MAGI3: variants seen among roughly 807,000 people sequenced by gnomAD.
MAGI3 encodes the protein membrane-associated guanylate kinase, WW and PDZ domain-containing protein 3.
Under a neutral mutation model 121.8 loss-of-function variants are expected in MAGI3, and 43 were observed. That is an observed-to-expected ratio of 0.35 (90% CI 0.28 to 0.46). The LOEUF (loss-of-function observed/expected upper bound fraction) is 0.46. MAGI3 is among the 20% of genes least tolerant of loss of function. The probability of loss-of-function intolerance (pLI) is 1.00; values close to 1 mark genes in which losing one functional copy is unlikely to be tolerated. For synonymous variants in MAGI3, 553 were observed against 639.3 expected (o/e 0.86, Z 2.04); for missense variants, 1,547 against 1,797.3 (o/e 0.86, Z 2.52).
chr1:113,423,728 C>G (rs921475194), intron 1 of MAGI3, among the ~76,000 whole-genome samples: 3 of 152,212 alleles, frequency 2.0e-5, no homozygotes, highest in Admixed American at 1.3e-4. Flanking sequence ...TACTGGCAGC[C>G]CGGCCTCCAG....
intron 1 of MAGI3, among the ~76,000 whole-genome samples, chr1:113,468,461 T>G (rs1414042745): frequency 6.6e-6 from 1 of 152,182 alleles, no homozygotes; most frequent in African/African-American, 2.4e-5. Context: ...CACAAAGAAC[T>G]GAAGTTTTAA....
At chr1:113,496,403 C>G (rs927628434) in intron 1 of MAGI3, among the ~76,000 whole-genome samples, 1 of 152,224 alleles carries the variant, frequency 6.6e-6, no homozygotes, top group African/African-American at 2.4e-5. Context: ...TGGTTAAATG[C>G]TTATGATAGC....
chr1:113,445,430 C>A (rs1320319951), intron 1 of MAGI3, among the ~76,000 whole-genome samples: 1 of 151,900 alleles, frequency 6.6e-6, no homozygotes, highest in Non-Finnish European at 1.5e-5. Context: ...AGTGAGAACC[C>A]ACCTCTCTAA....
intron 1 of MAGI3, among the ~76,000 whole-genome samples, chr1:113,434,727 C>A (rs1316537137): frequency 6.6e-6 from 1 of 152,198 alleles, no homozygotes; most frequent in Non-Finnish European, 1.5e-5. Flanking sequence ...TCTTATTTAT[C>A]TTTTGCTGTT....
At chr1:113,572,677 G>A (rs540590864) in intron 2 of MAGI3, among the ~76,000 whole-genome samples, 2 of 152,258 alleles carry the variant, frequency 1.3e-5, no homozygotes, top group Admixed American at 1.3e-4. Flanking sequence ...TAGTTTATTT[G>A]TATAGAGGCA....
Position 113,599,758 on chromosome 1 carries a change from G to A in MAGI3, c.1018+5198G>A, listed in dbSNP as rs201986409. Among the ~76,000 whole-genome samples, 24 of 151,610 alleles carry A rather than the reference G, an allele frequency of 1.6e-4. No individual in the cohort carries two copies. The East Asian group carries it at 4.6e-3, about 29-fold the overall frequency. ...CATCCTGATACCAAAGCTGGGCAGA[G>A]ACACAACCAAAAAAGAGAATTTTAG... On this transcript the variant is annotated intron_variant, in intron 6 of 20. Transcript: ENST00000307546.
At chr1:113,563,466 C>T (rs1660320881) in intron 2 of MAGI3, among the ~76,000 whole-genome samples, 1 of 152,068 alleles carries the variant, frequency 6.6e-6, no homozygotes, top group East Asian at 1.9e-4. Context: ...TTTCTTTTTG[C>T]TCCTGCTATC....
At chr1:113,398,452 A>G (rs934762321) in intron 1 of MAGI3, among the ~76,000 whole-genome samples, 14 of 152,200 alleles carry the variant, frequency 9.2e-5, no homozygotes, top group African/African-American at 3.4e-4. Flanking sequence ...TGGGTATACA[A>G]TGTGAACGGT....
At chr1:113,648,520 T>A (rs1426579503) in intron 12 of MAGI3, among the ~76,000 whole-genome samples, 1 of 151,740 alleles carries the variant, frequency 6.6e-6, no homozygotes, top group African/African-American at 2.4e-5. Flanking sequence ...CAAGCAATCC[T>A]CCTGCTTAAT....
intron 3 of MAGI3, chr1:113,580,883 A>G (rs1217487229): frequency 6.5e-6 from 2 of 309,640 alleles, no homozygotes; most frequent in Non-Finnish European, 1.2e-5. Context: ...TTGATTGTGA[A>G]CAGTATACTA....
chr1:113,662,435 A>G (rs1457679962), intron 16 of MAGI3, among the ~76,000 whole-genome samples: 2 of 152,180 alleles, frequency 1.3e-5, no homozygotes, highest in African/African-American at 4.8e-5. Flanking sequence ...CTTACTGTAA[A>G]AAAAAACTTA....
intron 1 of MAGI3, among the ~76,000 whole-genome samples, chr1:113,458,479 A>T (rs1654878628): frequency 6.6e-6 from 1 of 152,120 alleles, no homozygotes; most frequent in Admixed American, 6.6e-5. Context: ...TGAATCCATT[A>T]TACCCTGTTT....
chr1:113,496,410 T>C (rs989074791), intron 1 of MAGI3, among the ~76,000 whole-genome samples: 3 of 152,206 alleles, frequency 2.0e-5, no homozygotes, highest in African/African-American at 7.2e-5. Flanking sequence ...ATGCTTATGA[T>C]AGCTCACTGT....
intron 1 of MAGI3, among the ~76,000 whole-genome samples, chr1:113,490,959 T>C (rs1309346952): frequency 6.6e-6 from 1 of 152,074 alleles, no homozygotes; most frequent in Non-Finnish European, 1.5e-5. Flanking sequence ...CCACTGACAA[T>C]GTTAGATAAT....
At chr1:113,641,186 G>A (rs1418367015) in intron 9 of MAGI3, among the ~76,000 whole-genome samples, 1 of 142,824 alleles carries the variant, frequency 7.0e-6, no homozygotes, top group African/African-American at 2.6e-5. Flanking sequence ...ATATATCAGG[G>A]GTGGAGGAGG....
At chr1:113,556,786 A>G (rs1660010960) in intron 2 of MAGI3, among the ~76,000 whole-genome samples, 1 of 151,918 alleles carries the variant, frequency 6.6e-6, no homozygotes, top group Admixed American at 6.6e-5. Flanking sequence ...GGCTGGTCTC[A>G]AACTCTTGAG....
chr1:113,504,819 GTAAA>G (rs368619620), intron 1 of MAGI3, among the ~76,000 whole-genome samples: 53 of 152,180 alleles, frequency 3.5e-4, no homozygotes, highest in African/African-American at 1.2e-3. Context: ...AATGGGATGG[GTAAA>G]TAAATTATAG....
At chr1:113,537,934 T>A (rs987398292) in intron 1 of MAGI3, among the ~76,000 whole-genome samples, 3 of 152,224 alleles carry the variant, frequency 2.0e-5, no homozygotes, top group Non-Finnish European at 4.4e-5. Context: ...ATTATTTTGT[T>A]TGTTGAATGT....
chr1:113,446,302 T>C (rs2101472691), intron 1 of MAGI3, among the ~76,000 whole-genome samples: 1 of 152,316 alleles, frequency 6.6e-6, no homozygotes, highest in Middle Eastern at 3.4e-3. Context: ...GTTAAGCTGG[T>C]AATAATTTAA....
Sources: allele counts gnomAD v4.1 joint callset (sites outside exome capture counted in the v4.1 genomes callset), GRCh38; gene constraint gnomAD v4.1.1; transcripts MANE v1.5; gene names NCBI Gene and HGNC (gene_info 2026-07-23, HGNC 2026-07-21).